RRAGB: variants seen among roughly 807,000 people sequenced by gnomAD.
RRAGB encodes the protein ras-related GTP-binding protein B.
A neutral mutation model predicts 29.3 loss-of-function variants in RRAGB; 6 were observed. The ratio of observed to expected loss-of-function variants is 0.21; its 90% CI spans 0.11 to 0.40. The LOEUF (loss-of-function observed/expected upper bound fraction) is 0.40, where lower values mean the gene tolerates loss of function less well. Among genes scored for constraint, RRAGB ranks in the 10% least tolerant of loss-of-function variants. RRAGB has a pLI of 1.00. For missense variants in RRAGB, 184 were observed against 272.9 expected, an observed-to-expected ratio of 0.67 and a Z score of 2.29; for synonymous variants, 101 against 92.5, an observed-to-expected ratio of 1.09 and a Z score of -0.53.
At chrX:55,733,820 G>A (rs1165920296) in intron 5 of RRAGB, among the ~76,000 whole-genome samples, 1 of 111,401 alleles carries the variant, frequency 9.0e-6, no homozygotes, top group Non-Finnish European at 1.9e-5. Context: ...TTTGTAGAAT[G>A]AGTTAAGGAG....
intron 5 of RRAGB, among the ~76,000 whole-genome samples, chrX:55,740,576 GTAGT>G (rs774878433): frequency 9.0e-5 from 10 of 111,696 alleles, no homozygotes; most frequent in Non-Finnish European, 1.7e-4. Flanking sequence ...GCTTGAAGTG[GTAGT>G]TGGTTGGCAA....
chrX:55,733,986 C>T (rs1382228532), intron 5 of RRAGB, among the ~76,000 whole-genome samples: 9 of 104,314 alleles, frequency 8.6e-5, no homozygotes, highest in African/African-American at 2.1e-4. Flanking sequence ...TTTTTTGAGA[C>T]GGAGTCTCGC....
intron 5 of RRAGB, among the ~76,000 whole-genome samples, chrX:55,735,385 C>T (rs1401018610): frequency 9.0e-6 from 1 of 111,467 alleles, no homozygotes; most frequent in African/African-American, 3.3e-5. Flanking sequence ...CATTTTTTGT[C>T]TTTTTTACTG....
chrX:55,739,817 A>G (rs1188766914), intron 5 of RRAGB, among the ~76,000 whole-genome samples: 1 of 107,343 alleles, frequency 9.3e-6, no homozygotes, highest in Non-Finnish European at 1.9e-5. Context: ...ACCATCTTGG[A>G]AAAAAAAAAT....
At chrX:55,740,356 G>A (rs1406248831) in intron 5 of RRAGB, among the ~76,000 whole-genome samples, 6 of 110,716 alleles carry the variant, frequency 5.4e-5, no homozygotes, top group African/African-American at 2.0e-4. Flanking sequence ...TTTGAACCAT[G>A]AATTTTAAAT....
At chrX:55,755,183 A>G in intron 7 of RRAGB, 1 of 753,427 alleles carries the variant, frequency 1.3e-6, no homozygotes, top group Non-Finnish European at 1.6e-6. Flanking sequence ...TGTCTCATGG[A>G]ATTTCCCTGT....
Position 55,729,290 on chromosome X carries a change from C to T in RRAGB, c.227-4C>T. ...TTACTAGATTTGTCATATTTGTCTT[C>T]CAGTTGATGTAGAACATTCTCATGT... On this transcript the variant is annotated splice_polypyrimidine_tract_variant and splice_region_variant and intron_variant, in intron 3 of 9. Transcript: ENST00000374941. 8.5e-7 allele frequency: 1 copy of T among 1,173,874 alleles called. No individual in the cohort carries two copies. The highest frequency in any genetic ancestry group is 1.8e-5 in the South Asian group (1 of 54,958).
chrX:55,718,405 G>C lies in RRAGB; in HGVS notation c.78G>C (p.Pro26=), dbSNP rs762761300. ...GAATGGATCCACCACTAGGGGAACC[G>C]GAAGGATCGCTTGGGTGGGTGAAGG... ...GPRMDPPLGE[P]EGSLGWVLPN... The change falls in exon 1 of 10, where the codon CCG becomes CCC. Residue 26 remains proline, a synonymous_variant. Transcript: ENST00000374941. 8.4e-7 allele frequency: 1 copy of C among 1,193,731 alleles called. No homozygotes were observed. The highest frequency in any genetic ancestry group is 1.1e-6 in the Non-Finnish European group (1 of 883,078).
chrX:55,749,047 T>C (rs1206708012), intron 5 of RRAGB, among the ~76,000 whole-genome samples: 20 of 77,432 alleles, frequency 2.6e-4, no homozygotes, highest in Non-Finnish European at 3.0e-4. Context: ...CCGCCCCGTC[T>C]GGGAGGGAGG....
At chrX:55,740,387 ACATCTTTTGG>A (rs2034022300) in intron 5 of RRAGB, among the ~76,000 whole-genome samples, 3 of 111,565 alleles carry the variant, frequency 2.7e-5, no homozygotes, top group African/African-American at 9.8e-5. Context: ...AGGCTCAAAC[ACATCTTTTGG>A]AATGAAAATA....
At chrX:55,731,267 G>T in intron 4 of RRAGB, 97 bp from the exon 5 acceptor site, 1 of 623,428 alleles carries the variant, frequency 1.6e-6, no homozygotes, top group Admixed American at 3.6e-5. Context: ...GAAGCCTTAA[G>T]ATTATCTTTC....
At chrX:55,748,872 C>A (rs1173808342) in intron 5 of RRAGB, among the ~76,000 whole-genome samples, 1 of 94,025 alleles carries the variant, frequency 1.1e-5, no homozygotes, top group South Asian at 5.2e-4. Flanking sequence ...AAGTGAGGAG[C>A]CCCTCTGCCC....
chrX:55,732,523 G>A lies in RRAGB; in HGVS notation c.516+937G>A, dbSNP rs561315753. ...AAAGGATTTTTTGGTAATTGCTGTGGTAAGGAATACTTTTTTATATGACTA... is the reference window on the plus strand; with the variant it reads ...AAAGGATTTTTTGGTAATTGCTGTGATAAGGAATACTTTTTTATATGACTA... On this transcript the variant is annotated intron_variant, in intron 5 of 9. Transcript: ENST00000374941. Among the ~76,000 whole-genome samples, 31 of 111,712 alleles carry A rather than the reference G, an allele frequency of 2.8e-4. No homozygotes were observed. In the South Asian group the frequency reaches 8.7e-3, roughly 31 times the overall value.
At chrX:55,741,091 G>A (rs1383765396) in intron 5 of RRAGB, among the ~76,000 whole-genome samples, 1 of 78,044 alleles carries the variant, frequency 1.3e-5, no homozygotes, top group African/African-American at 5.5e-5. Context: ...TTTCCAATTT[G>A]CTTCAAATGC....
intron 5 of RRAGB, among the ~76,000 whole-genome samples, chrX:55,750,048 TAAAAAAAAAAAAAA>T (rs774847577): frequency 1.2e-4 from 2 of 16,764 alleles, no homozygotes; most frequent in African/African-American, 2.5e-4. Flanking sequence ...AATGATCAAT[TAAAAAAAAAAAAAA>T]AAAAAAAAAA....
chrX:55,722,325 A>T (rs898516069), intron 3 of RRAGB, 40 bp downstream of exon 3: 2 of 919,583 alleles, frequency 2.2e-6, no homozygotes, highest in Non-Finnish European at 3.1e-6. Flanking sequence ...GGTGATCTTA[A>T]CTATTAATAA....
At chrX:55,737,442 G>C (rs967413469) in intron 5 of RRAGB, among the ~76,000 whole-genome samples, 6 of 112,553 alleles carry the variant, frequency 5.3e-5, no homozygotes, top group African/African-American at 1.9e-4. Context: ...AGCCCCAGCT[G>C]TATCTGCAAG....
intron 5 of RRAGB, among the ~76,000 whole-genome samples, chrX:55,748,910 TG>T (rs1341502452): frequency 2.5e-5 from 2 of 80,628 alleles, no homozygotes; most frequent in East Asian, 4.2e-4. Context: ...GGGAGGGAGG[TG>T]GGGGGGTCAG....
chrX:55,755,695 G>A, intron 7 of RRAGB, 146 bp from the exon 8 acceptor site: 1 of 1,073,314 alleles, frequency 9.3e-7, no homozygotes, highest in East Asian at 3.4e-5. Flanking sequence ...TAATATATAG[G>A]ACAGAGGAAA....
Sources: allele counts gnomAD v4.1 joint callset (sites outside exome capture counted in the v4.1 genomes callset), GRCh38; gene constraint gnomAD v4.1.1; transcripts MANE v1.5; gene names NCBI Gene and HGNC (gene_info 2026-07-23, HGNC 2026-07-21).